LRRC4C: variants seen among roughly 807,000 people sequenced by gnomAD.
The protein encoded by LRRC4C is leucine rich repeat containing 4C.
LRRC4C carries 5 observed loss-of-function variants against 33.6 expected under a neutral mutation model. The ratio of observed to expected loss-of-function variants is 0.15; its 90% CI spans 0.08 to 0.31. LRRC4C has a LOEUF of 0.31. Ranked by LOEUF, LRRC4C falls within the 10% of genes least tolerant of loss-of-function variation. The pLI, the probability that LRRC4C is intolerant of heterozygous loss-of-function variation, is 1.00. For synonymous variants in LRRC4C, 329 were observed against 302.0 expected (o/e 1.09, Z -0.93); for missense variants, 560 against 796.7 (o/e 0.70, Z 3.58).
intron 1 of LRRC4C, among the ~76,000 whole-genome samples, chr11:41,305,098 T>TGG (rs1285778594): frequency 5.6e-4 from 3 of 5,318 alleles, no homozygotes; most frequent in African/African-American, 1.4e-3. Context: ...GGGAGGGAGG[T>TGG]GGGGGGGGTC....
chr11:41,258,571 C>A (rs56710834), intron 1 of LRRC4C, among the ~76,000 whole-genome samples: 2,878 of 151,852 alleles, frequency 0.019, 94 homozygotes, highest in African/African-American at 0.067. Flanking sequence ...TTTTCCTTTA[C>A]AGTCATGTGT....
chr11:40,704,258 T>C (rs933902615), intron 2 of LRRC4C, among the ~76,000 whole-genome samples: 1 of 152,168 alleles, frequency 6.6e-6, no homozygotes, highest in Non-Finnish European at 1.5e-5. Flanking sequence ...CATTTTCATA[T>C]CAGAGAAGGC....
At chr11:41,094,369 C>CA (rs2135565765) in intron 1 of LRRC4C, among the ~76,000 whole-genome samples, 1 of 151,070 alleles carries the variant, frequency 6.6e-6, no homozygotes, top group East Asian at 2.0e-4. Context: ...ACTAAAAATA[C>CA]AAAAAATTAG....
intron 1 of LRRC4C, among the ~76,000 whole-genome samples, chr11:41,032,605 T>C (rs1746262049): frequency 6.6e-6 from 1 of 152,048 alleles, no homozygotes; most frequent in Non-Finnish European, 1.5e-5. Context: ...ACTGGCCCAA[T>C]GTCACTTTAT....
intron 1 of LRRC4C, among the ~76,000 whole-genome samples, chr11:41,377,935 T>C (rs560938061): frequency 6.6e-6 from 1 of 152,178 alleles, no homozygotes; most frequent in Non-Finnish European, 1.5e-5. Flanking sequence ...CCTCTTGAAC[T>C]GTGTAGTAAT....
intron 3 of LRRC4C, among the ~76,000 whole-genome samples, chr11:40,386,290 T>C (rs1949108013): frequency 2.0e-5 from 3 of 152,168 alleles, no homozygotes; most frequent in African/African-American, 4.8e-5. Flanking sequence ...TCTAGCTGTA[T>C]TGAGGGTCAG....
chr11:40,483,223 G>A (rs915827315), intron 3 of LRRC4C, among the ~76,000 whole-genome samples: 1 of 152,172 alleles, frequency 6.6e-6, no homozygotes, highest in African/African-American at 2.4e-5. Flanking sequence ...TGCACAGCAG[G>A]AGCTGACTGA....
At chr11:40,849,729 G>A (rs1396161260) in intron 2 of LRRC4C, among the ~76,000 whole-genome samples, 1 of 151,892 alleles carries the variant, frequency 6.6e-6, no homozygotes, top group African/African-American at 2.4e-5. Flanking sequence ...CCTTAATTGT[G>A]TTTTCCAACT....
intron 3 of LRRC4C, among the ~76,000 whole-genome samples, chr11:40,646,808 G>T (rs1367196306): frequency 6.6e-6 from 1 of 152,098 alleles, no homozygotes; most frequent in Non-Finnish European, 1.5e-5. Flanking sequence ...AGGTTTCACC[G>T]TGTTAGCCAG....
chr11:40,531,585 G>C (rs188114304), intron 3 of LRRC4C, among the ~76,000 whole-genome samples: 8 of 152,208 alleles, frequency 5.3e-5, no homozygotes, highest in Admixed American at 5.2e-4. Flanking sequence ...TCTCAGGCCA[G>C]CTTCACTCTT....
intron 3 of LRRC4C, among the ~76,000 whole-genome samples, chr11:40,371,543 T>G (rs953196379): frequency 6.6e-6 from 1 of 152,238 alleles, no homozygotes; most frequent in African/African-American, 2.4e-5. Context: ...CTTTTATTTT[T>G]ATAACTAAGA....
chr11:40,347,865 C>T (rs1947206466), intron 3 of LRRC4C, among the ~76,000 whole-genome samples: 1 of 152,192 alleles, frequency 6.6e-6, no homozygotes, highest in African/African-American at 2.4e-5. Context: ...GCCTTGGCCT[C>T]CCAAAGTGCT....
chr11:41,310,996 A>C (rs1950628957), intron 1 of LRRC4C, among the ~76,000 whole-genome samples: 1 of 152,114 alleles, frequency 6.6e-6, no homozygotes, highest in Non-Finnish European at 1.5e-5. Flanking sequence ...ACAAGTATTA[A>C]TATTATTTCC....
intron 1 of LRRC4C, among the ~76,000 whole-genome samples, chr11:41,026,263 G>T (rs56248243): frequency 0.082 from 12,479 of 151,634 alleles, 559 homozygotes; most frequent in Non-Finnish European, 0.099. Flanking sequence ...AACATTAACA[G>T]GAGTCTGCAA....
intron 2 of LRRC4C, among the ~76,000 whole-genome samples, chr11:40,722,568 G>A (rs1033531138): frequency 6.6e-6 from 1 of 152,038 alleles, no homozygotes; most frequent in African/African-American, 2.4e-5. Context: ...TCAAACACTC[G>A]AAGAAATAAA....
intron 2 of LRRC4C, among the ~76,000 whole-genome samples, chr11:40,923,697 T>TA (rs1310597445): frequency 1.3e-5 from 2 of 152,198 alleles, no homozygotes; most frequent in Non-Finnish European, 2.9e-5. Context: ...TTTGGACTCC[T>TA]AAAAATGATA....
At chr11:41,082,510 C>T (rs7125580) in intron 1 of LRRC4C, among the ~76,000 whole-genome samples, 40,450 of 148,400 alleles carry the variant, frequency 0.27, 5,585 homozygotes, top group Admixed American at 0.35. Flanking sequence ...GTGCCAAGCA[C>T]TGAGCTAAGC....
At chr11:40,467,639 G>A (rs1165240018) in intron 3 of LRRC4C, among the ~76,000 whole-genome samples, 2 of 152,154 alleles carry the variant, frequency 1.3e-5, no homozygotes, top group African/African-American at 4.8e-5. Context: ...AACTGTTCTT[G>A]AGCAGAAATG....
At chr11:41,325,506 T>C (rs1164708861) in intron 1 of LRRC4C, among the ~76,000 whole-genome samples, 1 of 151,868 alleles carries the variant, frequency 6.6e-6, no homozygotes, top group African/African-American at 2.4e-5. Context: ...GGAATAGGGG[T>C]AATAACAATT....
Sources: allele counts gnomAD v4.1 joint callset (sites outside exome capture counted in the v4.1 genomes callset), GRCh38; gene constraint gnomAD v4.1.1; transcripts MANE v1.5; gene names NCBI Gene and HGNC (gene_info 2026-07-23, HGNC 2026-07-21).